LDLRAD2: variants seen among roughly 807,000 people sequenced by gnomAD.
LDLRAD2 encodes the protein low density lipoprotein receptor class A domain containing 2.
Under a neutral mutation model 24.9 loss-of-function variants are expected in LDLRAD2, and 25 were observed. The ratio of observed to expected loss-of-function variants is 1.00; its 90% CI spans 0.73 to 1.40. The LOEUF (loss-of-function observed/expected upper bound fraction) is 1.40, where lower values mean the gene tolerates loss of function less well. Among genes scored for constraint, LDLRAD2 ranks in the 40% most tolerant of loss-of-function variants. The probability of loss-of-function intolerance (pLI) is 0.00; values close to 1 mark genes in which losing one functional copy is unlikely to be tolerated. For synonymous variants in LDLRAD2, 182 were observed against 166.7 expected, an observed-to-expected ratio of 1.09 and a Z score of -0.71; for missense variants, 391 against 366.2, an observed-to-expected ratio of 1.07 and a Z score of -0.55.
At chr1:21,819,149 G>A (rs2097947487) in intron 3 of LDLRAD2, among the ~76,000 whole-genome samples, 1 of 151,846 alleles carries the variant, frequency 6.6e-6, no homozygotes, top group South Asian at 2.1e-4. Flanking sequence ...CGAGGTGGGC[G>A]GATCACCTGT....
rs2097955771 is a variant in LDLRAD2, at chr1:21,822,962, T to C, written c.*747T>C. Reference sequence around the variant, plus strand: ...GGTTGGCTCTCCTAGGAGTGAGAACTGCCCAAGGGCTGCAGAAACAGGCCA... The same window carrying C: ...GGTTGGCTCTCCTAGGAGTGAGAACCGCCCAAGGGCTGCAGAAACAGGCCA... On this transcript the variant is annotated 3_prime_UTR_variant, in exon 5 of 5. Coordinates refer to ENST00000344642, the MANE Select transcript of LDLRAD2 (RefSeq NM_001013693.3). 2 of 206,598 alleles carry C rather than the reference T, an allele frequency of 9.7e-6. No individual in the cohort carries two copies. The highest frequency in any genetic ancestry group is 1.3e-4 in the South Asian group (1 of 7,518). The allele number at this position is 206,598 out of a possible 1,614,324, so 12.8% of individuals were successfully genotyped here. A position where few individuals can be genotyped will look rare whatever the true frequency, so the allele number is the denominator to read the frequency against.
chr1:21,814,437 AC>A lies in LDLRAD2; in HGVS notation c.126del (p.Asp42GlufsTer48). On this transcript the variant is annotated frameshift_variant, in exon 2 of 5. Transcript: ENST00000344642. LOFTEE classifies it high-confidence loss of function. ...AELCGQTWQG[D>X]GLLLRSHAAS... ...CTGTGCGGGCAGACGTGGCAGGGGG[AC>A]GGGCTGCTGCTGCGCTCGCACGCCG... 1 of 1,608,336 alleles carries A rather than the reference AC, an allele frequency of 6.2e-7. No individual in the cohort carries two copies. The highest frequency in any genetic ancestry group is 1.7e-5 in the Admixed American group (1 of 59,760).
chr1:21,824,676 C>T lies in LDLRAD2; in HGVS notation c.*2461C>T, dbSNP rs761947506. On this transcript the variant is annotated 3_prime_UTR_variant, in exon 5 of 5. Coordinates refer to ENST00000344642, the MANE Select transcript of LDLRAD2 (RefSeq NM_001013693.3). This position sits in a 1 kb window ranked among gnomAD's most constrained non-coding sequence, Gnocchi z 5.9. ...CAGATTCCCATCCTCCCCATTAGGCCCATGGGCCCTTCCAATGCCAGTCTC... is the reference window on the plus strand; with the variant it reads ...CAGATTCCCATCCTCCCCATTAGGCTCATGGGCCCTTCCAATGCCAGTCTC... The T allele has an allele frequency of 6.2e-7, 1 of 1,613,118 alleles. No homozygotes were observed. Among genetic ancestry groups the T allele is most frequent in the Admixed American group, 1.7e-5 (1 of 59,920 alleles).
At position 21,813,743 on chromosome 1, in the gene LDLRAD2, TC is replaced by T. The variant is rs1420919480; in HGVS notation, c.86-653del. ...CTCAACGGCTCAACAATGTCACTGTTCCTCTGAAATGCTCTGACCTCATCTT... is the reference window on the plus strand; with the variant it reads ...CTCAACGGCTCAACAATGTCACTGTTCTCTGAAATGCTCTGACCTCATCTT... On this transcript the variant is annotated intron_variant, in intron 1 of 4. Coordinates refer to ENST00000344642, the MANE Select transcript of LDLRAD2 (RefSeq NM_001013693.3). Among the ~76,000 whole-genome samples, 3 of 152,332 alleles carry T rather than the reference TC, an allele frequency of 2.0e-5. No individual in the cohort carries two copies. In the South Asian group the frequency reaches 6.2e-4, roughly 32 times the overall value.
chr1:21,823,864 G>A lies in LDLRAD2; in HGVS notation c.*1649G>A, dbSNP rs888925285. ...AAGCTCTTTCTTTCCCCCGCTGAAC[G>A]AGAGATCGGGCCCCACAAACACAGC... On this transcript the variant is annotated 3_prime_UTR_variant, in exon 5 of 5. Coordinates refer to ENST00000344642, the MANE Select transcript of LDLRAD2 (RefSeq NM_001013693.3). 2.9e-5 allele frequency: 22 copies of A among 766,710 alleles called. No individual in the cohort carries two copies. The highest frequency in any genetic ancestry group is 2.0e-4 in the Admixed American group (10 of 48,836). The allele number at this position is 766,710 out of a possible 1,614,324, so 47.5% of individuals were successfully genotyped here. A position where few individuals can be genotyped will look rare whatever the true frequency, so the allele number is the denominator to read the frequency against.
rs148280509 is a variant in LDLRAD2 at position 21,815,980 on chromosome 1, G to A, written c.549G>A (p.Arg183=). The A allele has an allele frequency of 2.4e-4, 383 of 1,613,982 alleles. 1 individual carries two copies. The highest frequency in any genetic ancestry group is 3.1e-4 in the Non-Finnish European group (369 of 1,180,006). The stretch of plus-strand genomic sequence containing the variant: ...CCTACTTCCGCTGCCAGAATGGCAG[G>A]TGCATCCCCTCAAGCCTCGTGTGTG... ...CGAYFRCQNG[R]CIPSSLVCDP... Residue 183 remains arginine, a synonymous_variant, in exon 3 of 5, where the codon AGG becomes AGA. Coordinates refer to ENST00000344642, the MANE Select transcript of LDLRAD2 (RefSeq NM_001013693.3).
Position 21,822,304 on chromosome 1 carries a change from C to A in LDLRAD2, c.*89C>A. ...GACAAAGACCACAGGAGGGTCCCTTCTAGGACACAGAGGCCAGGCGTCCCA... is the reference window on the plus strand; with the variant it reads ...GACAAAGACCACAGGAGGGTCCCTTATAGGACACAGAGGCCAGGCGTCCCA... On this transcript the variant is annotated 3_prime_UTR_variant, in exon 5 of 5. Coordinates refer to ENST00000344642, the MANE Select transcript of LDLRAD2 (RefSeq NM_001013693.3). 1 of 1,399,600 alleles carries A rather than the reference C, an allele frequency of 7.1e-7. No homozygotes were observed. The highest frequency in any genetic ancestry group is 1.0e-6 in the Non-Finnish European group (1 of 989,530). The allele number at this position is 1,399,600 out of a possible 1,614,324, so 86.7% of individuals were successfully genotyped here. A position where few individuals can be genotyped will look rare whatever the true frequency, so the allele number is the denominator to read the frequency against.
At chr1:21,818,431 G>A (rs570793219) in intron 3 of LDLRAD2, among the ~76,000 whole-genome samples, 120 of 152,328 alleles carry the variant, frequency 7.9e-4, no homozygotes, top group Non-Finnish European at 1.3e-3. Flanking sequence ...CAGGGATTTT[G>A]TAGGATGCCC....
At chr1:21,820,840 T>C (rs150564167) in intron 3 of LDLRAD2, among the ~76,000 whole-genome samples, 12 of 152,340 alleles carry the variant, frequency 7.9e-5, no homozygotes, top group East Asian at 7.7e-4. Flanking sequence ...TTCAGAGTTG[T>C]TGTAAACTGT....
In LDLRAD2 at chr1:21,814,908, G is replaced by T. The variant is rs986614170; in HGVS notation, c.511+85G>T. ...CACAGTGGGGGCCCCGGTGAGGGCC[G>T]CTGCCGACAGGGGAATGGCAGGGGT... On this transcript the variant is annotated intron_variant, in intron 2 of 4. Coordinates refer to ENST00000344642, the MANE Select transcript of LDLRAD2 (RefSeq NM_001013693.3). The T allele has an allele frequency of 4.1e-5, 51 of 1,246,288 alleles. No homozygotes were observed. The African/African-American group carries it at 7.0e-4, about 17-fold the overall frequency. The allele number at this position is 1,246,288 out of a possible 1,614,324, so 77.2% of individuals were successfully genotyped here.
chr1:21,815,392 G>A (rs2097942886), intron 2 of LDLRAD2, among the ~76,000 whole-genome samples: 1 of 152,230 alleles, frequency 6.6e-6, no homozygotes, highest in African/African-American at 2.4e-5. Flanking sequence ...CCCTTCAGAT[G>A]TTTGCAGAAG....
chr1:21,824,885 C>G lies in LDLRAD2; in HGVS notation c.*2670C>G, dbSNP rs1377779593. The G allele has an allele frequency of 2.8e-6, 3 of 1,068,914 alleles. No individual in the cohort carries two copies. 66.2% of individuals were successfully genotyped at this position (1,068,914 alleles called of 1,614,324 possible). A position where few individuals can be genotyped will look rare whatever the true frequency, so the allele number is the denominator to read the frequency against. On this transcript the variant is annotated 3_prime_UTR_variant, in exon 5 of 5. Coordinates refer to ENST00000344642, the MANE Select transcript of LDLRAD2 (RefSeq NM_001013693.3). The surrounding 1 kb of genome is among the most constrained non-coding windows in gnomAD (Gnocchi z 5.9). ...CACGCCAACATGCAGGACTAGGGGG[C>G]TCCGAGCCTGCAGTCCCTGGGGACC... is the stretch of plus-strand genomic sequence containing the variant.
rs2097942187 is a variant in LDLRAD2, at chr1:21,814,772, G to A, written c.460G>A (p.Gly154Ser). ...TCTAGGCCTGCGCCTGGTCACGAGA[G>A]GCCGCCAGCCCCGCGTGGACTTCGT... is the stretch of plus-strand genomic sequence containing the variant. ...PFLGLRLVTR[G>S]RQPRVDFVGE... The change falls in exon 2 of 5, where the codon GGC (glycine) becomes AGC (serine). Residue 154 changes from glycine to serine, a missense_variant. Transcript: ENST00000344642. 6.7e-7 allele frequency: 1 copy of A among 1,489,106 alleles called. No individual in the cohort carries two copies. Among genetic ancestry groups the A allele is most frequent in the African/African-American group, 1.4e-5 (1 of 70,452 alleles). The allele number at this position is 1,489,106 out of a possible 1,614,324, so 92.2% of individuals were successfully genotyped here.
intron 3 of LDLRAD2, among the ~76,000 whole-genome samples, chr1:21,818,817 A>G (rs541099556): frequency 5.3e-5 from 8 of 152,040 alleles, no homozygotes; most frequent in African/African-American, 1.9e-4. Flanking sequence ...AAGGCCCTGC[A>G]CGATCTGGCC....
Position 21,814,636 on chromosome 1 carries a change from C to G in LDLRAD2, c.324C>G (p.Ala108=). The G allele has an allele frequency of 1.2e-6, 2 of 1,606,230 alleles. No individual in the cohort carries two copies. Among genetic ancestry groups the G allele is most frequent in the Non-Finnish European group, 1.7e-6 (2 of 1,176,706 alleles). The change falls in exon 2 of 5, where the codon GCC becomes GCG. Residue 108 remains alanine (A), a synonymous_variant. Coordinates refer to ENST00000344642, the MANE Select transcript of LDLRAD2 (RefSeq NM_001013693.3). ...CCCCGGCCCCGGCCGACCCGTGCGC[C>G]CCCGGCTCCTACCTGCAGTTCTACG... The part of the protein sequence containing the change: ...TSSPAPADPC[A]PGSYLQFYEG...
intron 3 of LDLRAD2, among the ~76,000 whole-genome samples, chr1:21,821,025 C>T (rs968424118): frequency 3.3e-5 from 5 of 152,008 alleles, no homozygotes; most frequent in Non-Finnish European, 5.9e-5. Context: ...AGTGAGATCC[C>T]GTCTCTACAA....
intron 1 of LDLRAD2, among the ~76,000 whole-genome samples, 197 bp downstream of exon 1, chr1:21,812,733 G>A (rs2097939838): frequency 6.6e-6 from 1 of 152,236 alleles, no homozygotes; most frequent in South Asian, 2.1e-4. Context: ...GGATCTGCCA[G>A]TCACCTAGAA....
At chr1:21,813,039 G>A (rs991552932) in intron 1 of LDLRAD2, among the ~76,000 whole-genome samples, 9 of 152,380 alleles carry the variant, frequency 5.9e-5, no homozygotes, top group African/African-American at 2.2e-4. Context: ...GCTCACGCCT[G>A]TAATCCCAGC....
rs768294263 is a variant in LDLRAD2, at chr1:21,814,456, G to T, written c.144G>T (p.Ser48=). The T allele has an allele frequency of 1.2e-6, 2 of 1,610,760 alleles. No individual in the cohort carries two copies. Among genetic ancestry groups the T allele is most frequent in the Middle Eastern group, 1.7e-4 (1 of 6,054 alleles). Residue 48 remains serine (S), a synonymous_variant, in exon 2 of 5, where the codon TCG becomes TCT. Coordinates refer to ENST00000344642, the MANE Select transcript of LDLRAD2 (RefSeq NM_001013693.3). ...AGGGGGACGGGCTGCTGCTGCGCTC[G>T]CACGCCGCATCGCGCAGGTTCTACT... is the stretch of plus-strand genomic sequence containing the variant. ...TWQGDGLLLR[S]HAASRRFYFV...
Sources: gnomAD v4.1 joint callset for allele counts (sites outside exome capture counted in the v4.1 genomes callset) on GRCh38, gnomAD v4.1.1 for gene constraint, Gnocchi (gnomAD v3.1) non-coding constraint, MANE v1.5 for transcripts, NCBI Gene and HGNC (gene_info 2026-07-23, HGNC 2026-07-21) for gene names.